The following TGFBR3 variants were observed in gnomAD, a reference collection of about 807,000 sequenced individuals.
TGFBR3 encodes the protein transforming growth factor beta receptor 3, also known as transforming growth factor beta receptor type 3.
A neutral mutation model predicts 87.9 loss-of-function variants in TGFBR3; 46 were observed. The ratio of observed to expected loss-of-function variants is 0.52; its 90% CI spans 0.41 to 0.67. TGFBR3 has a LOEUF of 0.67. TGFBR3 is among the 30% of genes least tolerant of loss of function. The pLI is 0.00. For missense variants in TGFBR3, 866 were observed against 1,041.9 expected (o/e 0.83, Z 2.32); for synonymous variants, 381 against 391.6 (o/e 0.97, Z 0.32).
At chr1:91,884,319 C>CA (rs368144492) in intron 1 of TGFBR3, among the ~76,000 whole-genome samples, 22,743 of 118,892 alleles carry the variant, frequency 0.19, 1,788 homozygotes, top group Middle Eastern at 0.24. Flanking sequence ...ACTCTGTCAC[C>CA]AAAAAAAAAA....
chr1:91,820,474 G>C (rs1036777938), intron 2 of TGFBR3, among the ~76,000 whole-genome samples: 34 of 152,070 alleles, frequency 2.2e-4, no homozygotes. Context: ...ATGAGGTCAG[G>C]AGATCGAGAC....
chr1:91,828,186 G>A (rs1676716747), intron 2 of TGFBR3, among the ~76,000 whole-genome samples: 1 of 152,120 alleles, frequency 6.6e-6, no homozygotes, highest in Non-Finnish European at 1.5e-5. Flanking sequence ...ACCTGAAAGG[G>A]TTTACTTACT....
At position 91,764,900 on chromosome 1, in the gene TGFBR3, G is replaced by A. The variant is rs1407205481; in HGVS notation, c.247-6150C>T. On this transcript the variant is annotated intron_variant, in intron 3 of 16. Coordinates refer to ENST00000212355, the MANE Select transcript of TGFBR3 (RefSeq NM_003243.5). ...AGCCAGAGCTCTCTCAGACAGCACT[G>A]GTGTTTCTACCTCTGCCTCTGCCTG... Among the ~76,000 whole-genome samples, 3 of 152,008 alleles carry A rather than the reference G, an allele frequency of 2.0e-5. No individual in the cohort carries two copies. In the East Asian group the frequency reaches 5.8e-4, roughly 29 times the overall value.
rs111452786 is a variant in TGFBR3, at chr1:91,831,226, T to A, written c.61+30245A>T. On this transcript the variant is annotated intron_variant, in intron 2 of 16. Transcript: ENST00000212355. ...TAGATCATTTCAGACAAAAACAATT[T>A]AAAAAAAAAAACTGCACTATAAGGC... 7.9e-4 allele frequency among the ~76,000 whole-genome samples: 116 copies of A among 146,994 alleles called. 1 individual carries two copies. Among genetic ancestry groups the A allele is most frequent in the East Asian group, 1.6e-3 (8 of 5,046 alleles).
chr1:91,846,123 G>A (rs1007584307), intron 2 of TGFBR3, among the ~76,000 whole-genome samples: 30 of 152,270 alleles, frequency 2.0e-4, no homozygotes, highest in South Asian at 1.0e-3. Context: ...ATAGCCACAA[G>A]CACTTCTCCA....
Position 91,723,990 on chromosome 1 carries a change from T to C in TGFBR3, c.886-1846A>G, listed in dbSNP as rs555642535. ...TTGTGGGATATTGGCTGAAGCCACA[T>C]ATATTTCAACTCAAATCTTAAAGGA... is the stretch of plus-strand genomic sequence containing the variant. On this transcript the variant is annotated intron_variant, in intron 7 of 16. Transcript: ENST00000212355. Among the ~76,000 whole-genome samples the C allele has an allele frequency of 2.0e-5, 3 of 152,344 alleles. No homozygotes were observed. The South Asian group carries it at 6.2e-4, about 32-fold the overall frequency.
rs559539136 is a variant in TGFBR3 at position 91,850,881 on chromosome 1, G to C, written c.61+10590C>G. ...GCCTATGCTACCTGTGTATCCTCATGGGTGGAGTAGGAGAGTAGGAAGGAA... is the reference window on the plus strand; with the variant it reads ...GCCTATGCTACCTGTGTATCCTCATCGGTGGAGTAGGAGAGTAGGAAGGAA... On this transcript the variant is annotated intron_variant, in intron 2 of 16. Coordinates refer to ENST00000212355, the MANE Select transcript of TGFBR3 (RefSeq NM_003243.5). 2.0e-5 allele frequency among the ~76,000 whole-genome samples: 3 copies of C among 152,158 alleles called. No homozygotes were observed. The East Asian group carries it at 5.8e-4, about 29-fold the overall frequency.
At chr1:91,786,971 C>T (rs1223144664) in intron 3 of TGFBR3, among the ~76,000 whole-genome samples, 1 of 152,076 alleles carries the variant, frequency 6.6e-6, no homozygotes, top group Non-Finnish European at 1.5e-5. Context: ...GCCCTAAGTG[C>T]CACAGAGACA....
intron 2 of TGFBR3, among the ~76,000 whole-genome samples, chr1:91,827,070 G>C (rs1676669787): frequency 6.6e-6 from 1 of 152,098 alleles, no homozygotes. Context: ...ACATTTTACT[G>C]AGGAAAACTT....
intron 5 of TGFBR3, among the ~76,000 whole-genome samples, chr1:91,731,859 T>C (rs1293052022): frequency 6.6e-6 from 1 of 152,212 alleles, no homozygotes; most frequent in Non-Finnish European, 1.5e-5. Flanking sequence ...AAAGGTCTAA[T>C]TGTTCAAAAG....
chr1:91,901,346 A>G (rs1404989812), intron 1 of TGFBR3, among the ~76,000 whole-genome samples: 1 of 152,246 alleles, frequency 6.6e-6, no homozygotes, highest in Non-Finnish European at 1.5e-5. Flanking sequence ...AGCATGGAAG[A>G]AAAGGATAGT....
At chr1:91,886,209 C>T (rs1356767705), upstream of TGFBR3, 3 of 452,526 alleles carry the variant, frequency 6.6e-6, no homozygotes, top group East Asian at 2.1e-4. Flanking sequence ...CGGGCGGGGA[C>T]GGGCAGGACG....
At chr1:91,756,043 A>G (rs1378140655) in intron 4 of TGFBR3, among the ~76,000 whole-genome samples, 1 of 152,194 alleles carries the variant, frequency 6.6e-6, no homozygotes, top group African/African-American at 2.4e-5. Flanking sequence ...AGGGCCTGAG[A>G]AAAATCCGGC....
chr1:91,889,233 T>C (rs997479642), upstream of TGFBR3, among the ~76,000 whole-genome samples: 1 of 152,144 alleles, frequency 6.6e-6, no homozygotes, highest in Non-Finnish European at 1.5e-5. Flanking sequence ...CTCACAGCCC[T>C]CTAAGAATAT....
intron 3 of TGFBR3, 30 bp downstream of exon 3, chr1:91,797,257 A>G (rs1256817166): frequency 1.2e-6 from 2 of 1,611,430 alleles, no homozygotes; most frequent in South Asian, 1.1e-5. Context: ...ACTCAGTGGC[A>G]GTGGGCTGAG....
At chr1:91,744,723 C>T (rs190281160) in intron 4 of TGFBR3, among the ~76,000 whole-genome samples, 9 of 152,314 alleles carry the variant, frequency 5.9e-5, no homozygotes, top group Admixed American at 5.2e-4. Context: ...CTGACGCATA[C>T]TTGAGGAACA....
chr1:91,812,264 C>T (rs1304118507), intron 2 of TGFBR3, among the ~76,000 whole-genome samples: 1 of 152,212 alleles, frequency 6.6e-6, no homozygotes, highest in Non-Finnish European at 1.5e-5. Flanking sequence ...CTTACTTCAT[C>T]TGGCCCAAAG....
intron 2 of TGFBR3, among the ~76,000 whole-genome samples, chr1:91,854,172 C>A (rs1358254478): frequency 1.3e-5 from 2 of 152,124 alleles, no homozygotes; most frequent in African/African-American, 4.8e-5. Flanking sequence ...ACCATGGTGA[C>A]TATAGTTAAT....
intron 4 of TGFBR3, among the ~76,000 whole-genome samples, chr1:91,756,368 C>T (rs7522702): frequency 0.16 from 24,590 of 152,124 alleles, 2,109 homozygotes; most frequent in East Asian, 0.25. Flanking sequence ...ATTATGAGTA[C>T]GAAGGCAGAC....
Sources: gnomAD v4.1 joint callset for allele counts (sites outside exome capture counted in the v4.1 genomes callset) on GRCh38, gnomAD v4.1.1 for gene constraint, MANE v1.5 for transcripts, NCBI Gene and HGNC (gene_info 2026-07-23, HGNC 2026-07-21) for gene names.